The following ARHGEF2 variants were observed in gnomAD, a reference collection of about 807,000 sequenced individuals.
ARHGEF2 encodes the protein rho guanine nucleotide exchange factor 2.
Under a neutral mutation model 121.0 loss-of-function variants are expected in ARHGEF2, and 22 were observed. The ratio of observed to expected loss-of-function variants is 0.18; its 90% confidence interval spans 0.13 to 0.26. The LOEUF (loss-of-function observed/expected upper bound fraction) is 0.26, where lower values mean the gene tolerates loss of function less well. Among genes scored for constraint, ARHGEF2 ranks in the 10% least tolerant of loss-of-function variants. The probability of loss-of-function intolerance (pLI) is 1.00; values close to 1 mark genes in which losing one functional copy is unlikely to be tolerated. For synonymous variants in ARHGEF2, 487 were observed against 530.0 expected (o/e 0.92, Z 1.11); for missense variants, 907 against 1,336.0 (o/e 0.68, Z 5.01).
intron 15 of ARHGEF2, 128 bp from the exon 16 acceptor site, chr1:155,952,363 C>T (rs1675665545): frequency 2.2e-6 from 3 of 1,349,830 alleles, no homozygotes; most frequent in Non-Finnish European, 3.0e-6. Context: ...TGGGGTTTCA[C>T]TCACACAACC....
At chr1:155,972,996 C>T (rs372492933) in intron 1 of ARHGEF2, among the ~76,000 whole-genome samples, 2 of 152,100 alleles carry the variant, frequency 1.3e-5, no homozygotes, top group African/African-American at 4.8e-5. Flanking sequence ...TGAGCCACCA[C>T]GCTCAGACCT....
chr1:155,962,524 G>A lies in ARHGEF2; in HGVS notation c.1101+69C>T, dbSNP rs572290885. The A allele has an allele frequency of 1.9e-6, 3 of 1,591,786 alleles. No individual in the cohort carries two copies. The highest frequency in any genetic ancestry group is 1.7e-6 in the Non-Finnish European group (2 of 1,168,722). ...ACCTCCATGTGGGTGCAGCTCACAG[G>A]CACTACCCCCATGAGTTGGGGAGGG... On this transcript the variant is annotated intron_variant, in intron 9 of 21. Coordinates refer to ENST00000361247, the MANE Select transcript of ARHGEF2 (RefSeq NM_001162383.2). The surrounding 1 kb of genome is among the most constrained non-coding windows in gnomAD (Gnocchi z 5.8).
intron 4 of ARHGEF2, 43 bp downstream of exon 4, chr1:155,966,373 G>A: frequency 6.2e-7 from 1 of 1,602,566 alleles, no homozygotes; most frequent in Non-Finnish European, 8.5e-7. Context: ...GCAGCCTGGG[G>A]TCCAGGGTCT....
rs758876693 is a variant in ARHGEF2 at position 155,978,324 on chromosome 1, C to T, written c.63+41G>A. ...CGCGGGTGCCGGGGTTCGGGGAGCA[C>T]CCGAGGACCGCGGCGAAAGGAGAGG... is the stretch of plus-strand genomic sequence containing the variant. On this transcript the variant is annotated intron_variant, in intron 1 of 21. Transcript: ENST00000361247. This position sits in a 1 kb window ranked among gnomAD's most constrained non-coding sequence, Gnocchi z 4.1. 34 of 1,475,686 alleles carry T rather than the reference C, an allele frequency of 2.3e-5. No homozygotes were observed. Among genetic ancestry groups the T allele is most frequent in the Non-Finnish European group, 2.9e-5 (32 of 1,096,800 alleles). The allele number at this position is 1,475,686 out of a possible 1,614,324, so 91.4% of individuals were successfully genotyped here.
chr1:155,978,654 A>C (rs565492109), upstream of ARHGEF2: 1,439 of 1,161,526 alleles, frequency 1.2e-3, no homozygotes, highest in Non-Finnish European at 1.5e-3. This position sits in a 1 kb window ranked among gnomAD's most constrained non-coding sequence, Gnocchi z 4.1. Flanking sequence ...GCCCGCGCGC[A>C]GGACGGGACG....
Position 155,961,958 on chromosome 1 carries a change from AC to A in ARHGEF2, c.1220-50del, listed in dbSNP as rs1363351247. 1 of 1,607,134 alleles carries A rather than the reference AC, an allele frequency of 6.2e-7. No individual in the cohort carries two copies. Among genetic ancestry groups the A allele is most frequent in the Non-Finnish European group, 8.5e-7 (1 of 1,175,146 alleles). On this transcript the variant is annotated intron_variant, in intron 10 of 21. Transcript: ENST00000361247. This position sits in a 1 kb window ranked among gnomAD's most constrained non-coding sequence, Gnocchi z 4.7. ...GAACGGCTCAACCAGTTTCACTCACACCCCAGTTCCCATCGTGTCTTGATTC... is the reference window on the plus strand; with the variant it reads ...GAACGGCTCAACCAGTTTCACTCACACCCAGTTCCCATCGTGTCTTGATTC...
At chr1:155,960,435 C>T (rs537473328) in intron 11 of ARHGEF2, among the ~76,000 whole-genome samples, 1 of 151,082 alleles carries the variant, frequency 6.6e-6, no homozygotes. Flanking sequence ...ACCACTGCAC[C>T]CCAGCCTGAG....
rs1678155632 is a variant in ARHGEF2, at chr1:155,962,442, G to A, written c.1101+151C>T. 1 of 1,213,118 alleles carries A rather than the reference G, an allele frequency of 8.2e-7. No individual in the cohort carries two copies. The highest frequency in any genetic ancestry group is 2.1e-5 in the Admixed American group (1 of 46,696). The allele number at this position is 1,213,118 out of a possible 1,614,324, so 75.1% of individuals were successfully genotyped here. On this transcript the variant is annotated intron_variant, in intron 9 of 21. Transcript: ENST00000361247. This position sits in a 1 kb window ranked among gnomAD's most constrained non-coding sequence, Gnocchi z 5.8. ...ACCACAACGTGCTCTAGCATTCTGA[G>A]GGGTTACTGCTGACAGGATCTGTGT...
chr1:155,978,573 T>C, upstream of ARHGEF2: 1 of 1,267,692 alleles, frequency 7.9e-7, no homozygotes, highest in Non-Finnish European at 1.0e-6. The surrounding 1 kb of genome is among the most constrained non-coding windows in gnomAD (Gnocchi z 4.1). Flanking sequence ...CAGCACCAGT[T>C]CCTCAAACCC....
rs1324189551 is a variant in ARHGEF2, at chr1:155,947,423, G to A, written c.*519C>T. 1 of 456,666 alleles carries A rather than the reference G, an allele frequency of 2.2e-6. No homozygotes were observed. Among genetic ancestry groups the A allele is most frequent in the Admixed American group, 2.3e-5 (1 of 42,560 alleles). The allele number at this position is 456,666 out of a possible 1,614,324, so 28.3% of individuals were successfully genotyped here. A position where few individuals can be genotyped will look rare whatever the true frequency, so the allele number is the denominator to read the frequency against. On this transcript the variant is annotated 3_prime_UTR_variant, in exon 22 of 22. Coordinates refer to ENST00000361247, the MANE Select transcript of ARHGEF2 (RefSeq NM_001162383.2). The stretch of plus-strand genomic sequence containing the variant: ...GAGAACAGCAGTAAGAGGTTGAGGG[G>A]AGAGGAGAAAGGGACATGGCCCTGC...
In ARHGEF2 at chr1:155,978,545, C is replaced by A. The variant is rs892568932; in HGVS notation, c.-118G>T. 5.5e-6 allele frequency: 7 copies of A among 1,270,390 alleles called. No individual in the cohort carries two copies. The South Asian group carries it at 1.6e-4, about 28-fold the overall frequency. 78.7% of individuals were successfully genotyped at this position (1,270,390 alleles called of 1,614,324 possible). A position where few individuals can be genotyped will look rare whatever the true frequency, so the allele number is the denominator to read the frequency against. On this transcript the variant is annotated 5_prime_UTR_variant, in exon 1 of 22. Transcript: ENST00000361247. This position sits in a 1 kb window ranked among gnomAD's most constrained non-coding sequence, Gnocchi z 4.1. ...TTGGTCTCGGGGACAGGAAGTCTGA[C>A]TCCCCTCGCCCGGCACCCAGCACCA...
chr1:155,978,116 G>A lies in ARHGEF2; in HGVS notation c.63+249C>T. ...CTAAAGCACTCGGTCCCGCCGGCTT[G>A]GAGGCGACCAAGCCCAGGTCCGCTC... On this transcript the variant is annotated intron_variant, in intron 1 of 21. Coordinates refer to ENST00000361247, the MANE Select transcript of ARHGEF2 (RefSeq NM_001162383.2). The surrounding 1 kb of genome is among the most constrained non-coding windows in gnomAD (Gnocchi z 4.1). 1 of 1,235,860 alleles carries A rather than the reference G, an allele frequency of 8.1e-7. No homozygotes were observed. The highest frequency in any genetic ancestry group is 1.0e-6 in the Non-Finnish European group (1 of 984,542). The allele number at this position is 1,235,860 out of a possible 1,614,324, so 76.6% of individuals were successfully genotyped here. A position where few individuals can be genotyped will look rare whatever the true frequency, so the allele number is the denominator to read the frequency against.
At chr1:155,979,406 G>T, upstream of ARHGEF2, 1 of 857,972 alleles carries the variant, frequency 1.2e-6, no homozygotes, top group Non-Finnish European at 1.4e-6. Context: ...AGGGTAAGGT[G>T]GGGCATTCAT....
At chr1:155,969,038 C>G in intron 2 of ARHGEF2, 118 bp downstream of exon 2, 1 of 1,343,614 alleles carries the variant, frequency 7.4e-7, no homozygotes, top group Non-Finnish European at 1.0e-6. Context: ...GGCATTTGGG[C>G]CCAGCTGGGG....
chr1:155,962,229 G>T lies in ARHGEF2; in HGVS notation c.1102-7C>A. The T allele has an allele frequency of 6.2e-7, 1 of 1,613,352 alleles. No individual in the cohort carries two copies. Among genetic ancestry groups the T allele is most frequent in the Non-Finnish European group, 8.5e-7 (1 of 1,179,634 alleles). On this transcript the variant is annotated splice_polypyrimidine_tract_variant and splice_region_variant and intron_variant, in intron 9 of 21. Coordinates refer to ENST00000361247, the MANE Select transcript of ARHGEF2 (RefSeq NM_001162383.2). This position sits in a 1 kb window ranked among gnomAD's most constrained non-coding sequence, Gnocchi z 5.8. ...CGGCGGGGCGGGTCACTTTCTACAAGGGAGGAGGCAGGGCTCAGGGCCAGA... is the reference window on the plus strand; with the variant it reads ...CGGCGGGGCGGGTCACTTTCTACAATGGAGGAGGCAGGGCTCAGGGCCAGA...
chr1:155,952,369 C>T, intron 15 of ARHGEF2, 134 bp from the exon 16 acceptor site: 1 of 1,320,430 alleles, frequency 7.6e-7, no homozygotes. Flanking sequence ...TTCACTCACA[C>T]AACCACTGAT....
At position 155,962,732 on chromosome 1, in the gene ARHGEF2, G is replaced by C; in HGVS notation, c.976-14C>G. Reference sequence around the variant, plus strand: ...AGGACCTGAGAACTAGAAGTTGGTCGAGTAAGGTTAGGTCAGCATTCCCCC... The same window carrying C: ...AGGACCTGAGAACTAGAAGTTGGTCCAGTAAGGTTAGGTCAGCATTCCCCC... On this transcript the variant is annotated splice_polypyrimidine_tract_variant and intron_variant, in intron 8 of 21. Transcript: ENST00000361247. The surrounding 1 kb of genome is among the most constrained non-coding windows in gnomAD (Gnocchi z 5.8). 1.2e-6 allele frequency: 2 copies of C among 1,614,036 alleles called. No individual in the cohort carries two copies. Among genetic ancestry groups the C allele is most frequent in the Non-Finnish European group, 1.7e-6 (2 of 1,179,968 alleles).
chr1:155,963,678 T>A (rs920049636), intron 7 of ARHGEF2, among the ~76,000 whole-genome samples: 3 of 149,336 alleles, frequency 2.0e-5, no homozygotes, highest in African/African-American at 7.4e-5. Context: ...TATTATTATT[T>A]TTTTTTTTCC....
intron 1 of ARHGEF2, among the ~76,000 whole-genome samples, chr1:155,972,857 A>G (rs1680707260): frequency 6.6e-6 from 1 of 151,724 alleles, no homozygotes; most frequent in East Asian, 1.9e-4. Flanking sequence ...ATGCATCATG[A>G]TGCTCACCTA....
Sources: gnomAD v4.1 joint callset for allele counts (sites outside exome capture counted in the v4.1 genomes callset) on GRCh38, gnomAD v4.1.1 for gene constraint, Gnocchi (gnomAD v3.1) non-coding constraint, MANE v1.5 for transcripts, NCBI Gene and HGNC (gene_info 2026-07-23, HGNC 2026-07-21) for gene names.